Variants in MAML2 observed in about 807,000 individuals in gnomAD.
The protein encoded by MAML2 is mastermind like transcriptional coactivator 2.
MAML2 carries 22 observed loss-of-function variants against 96.1 expected under a neutral mutation model. The observed-to-expected ratio is 0.23, with a 90% CI of 0.16 to 0.33. The LOEUF (loss-of-function observed/expected upper bound fraction) is 0.33. Ranked by LOEUF, MAML2 falls within the 10% of genes least tolerant of loss-of-function variation. The probability of loss-of-function intolerance (pLI) is 1.00; values close to 1 mark genes in which losing one functional copy is unlikely to be tolerated. For synonymous variants in MAML2, 561 were observed against 521.3 expected (o/e 1.08, Z -1.04); for missense variants, 1,367 against 1,392.4 (o/e 0.98, Z 0.29).
chr11:96,097,465 G>T (rs1202503409), intron 1 of MAML2, among the ~76,000 whole-genome samples: 1 of 152,066 alleles, frequency 6.6e-6, no homozygotes, highest in African/African-American at 2.4e-5. Context: ...TATCCTGAGG[G>T]GCTGCAGGGC....
intron 1 of MAML2, among the ~76,000 whole-genome samples, chr11:96,116,434 G>A (rs977976211): frequency 6.6e-6 from 1 of 152,148 alleles, no homozygotes; most frequent in African/African-American, 2.4e-5. Context: ...TTGGCTCCCT[G>A]TATTGCAGTG....
intron 1 of MAML2, among the ~76,000 whole-genome samples, chr11:96,179,252 G>T (rs1591057704): frequency 1.3e-5 from 2 of 152,250 alleles, no homozygotes; most frequent in East Asian, 3.9e-4. Flanking sequence ...TGAAAAGAGA[G>T]AAATAGTTCA....
At chr11:96,118,451 C>G (rs955782125) in intron 1 of MAML2, among the ~76,000 whole-genome samples, 1 of 152,192 alleles carries the variant, frequency 6.6e-6, no homozygotes, top group African/African-American at 2.4e-5. Flanking sequence ...TCCATTCATG[C>G]CTTCTGCCAT....
intron 1 of MAML2, among the ~76,000 whole-genome samples, chr11:96,321,736 G>A (rs1462767248): frequency 6.6e-6 from 1 of 152,116 alleles, no homozygotes; most frequent in Non-Finnish European, 1.5e-5. Context: ...ATTCTGTTCT[G>A]GTCAATCATA....
chr11:96,070,049 A>T (rs1413395359), intron 2 of MAML2, among the ~76,000 whole-genome samples: 2 of 150,518 alleles, frequency 1.3e-5, no homozygotes, highest in Non-Finnish European at 3.0e-5. Flanking sequence ...ATAAATAAAT[A>T]AGGAGGCCAA....
At chr11:96,126,292 T>C (rs1860436021) in intron 1 of MAML2, among the ~76,000 whole-genome samples, 1 of 152,196 alleles carries the variant, frequency 6.6e-6, no homozygotes, top group Admixed American at 6.5e-5. Flanking sequence ...GTTTGGTGGC[T>C]CACTCCTGTA....
At chr11:96,214,958 G>T (rs1035259525) in intron 1 of MAML2, among the ~76,000 whole-genome samples, 1 of 152,238 alleles carries the variant, frequency 6.6e-6, no homozygotes, top group Non-Finnish European at 1.5e-5. Flanking sequence ...TTGGCCATGT[G>T]CCTCGTCTAG....
intron 2 of MAML2, among the ~76,000 whole-genome samples, chr11:96,036,583 G>T (rs191053928): frequency 1.3e-5 from 2 of 152,282 alleles, no homozygotes; most frequent in Admixed American, 1.3e-4. Flanking sequence ...GATACATTGT[G>T]ATTTGAGGGT....
At position 96,184,224 on chromosome 11, in the gene MAML2, C is replaced by T. The variant is rs181257032; in HGVS notation, c.514-90707G>A. On this transcript the variant is annotated intron_variant, in intron 1 of 4. Coordinates refer to ENST00000524717, the MANE Select transcript of MAML2 (RefSeq NM_032427.4). ...TTGGGATGCTGAGGTGGGCAGATCA[C>T]GAGGTCAGGAGTTCGAGACCAGCCT... Among the ~76,000 whole-genome samples, 681 of 152,234 alleles carry T rather than the reference C, an allele frequency of 4.5e-3. 4 individuals are homozygous for T. Among genetic ancestry groups the T allele is most frequent in the Middle Eastern group, 0.01 (3 of 294 alleles).
intron 1 of MAML2, among the ~76,000 whole-genome samples, chr11:96,260,923 T>C (rs749381450): frequency 6.6e-6 from 1 of 152,220 alleles, no homozygotes; most frequent in African/African-American, 2.4e-5. Context: ...TTGAAAAACC[T>C]GAGTGAAACT....
intron 1 of MAML2, among the ~76,000 whole-genome samples, chr11:96,153,914 TAAATAAATAAATAAATA>T (rs1249028657): frequency 5.5e-5 from 3 of 55,022 alleles, no homozygotes; most frequent in Non-Finnish European, 7.4e-5. Context: ...TCCGTCTCAA[TAAATAAATAAATAAATA>T]AATAAATAAA....
chr11:96,230,312 G>A (rs1320899094), intron 1 of MAML2, among the ~76,000 whole-genome samples: 2 of 152,032 alleles, frequency 1.3e-5, no homozygotes, highest in Non-Finnish European at 2.9e-5. Context: ...TATATGTTTT[G>A]CTCATTCAAA....
chr11:96,112,023 T>A (rs996737162), intron 1 of MAML2, among the ~76,000 whole-genome samples: 2 of 152,046 alleles, frequency 1.3e-5, no homozygotes, highest in Admixed American at 1.3e-4. Flanking sequence ...TTACAAATGC[T>A]GCTCGTTAAA....
chr11:96,156,294 C>A (rs916919284), intron 1 of MAML2, among the ~76,000 whole-genome samples: 1 of 152,238 alleles, frequency 6.6e-6, no homozygotes, highest in Non-Finnish European at 1.5e-5. Context: ...CTCCTCCGCC[C>A]CTCACACACC....
At chr11:96,163,903 C>G (rs552342018) in intron 1 of MAML2, among the ~76,000 whole-genome samples, 7 of 149,730 alleles carry the variant, frequency 4.7e-5, no homozygotes, top group Admixed American at 2.0e-4. Context: ...GCTCTTGTTG[C>G]CCATGCGGGA....
chr11:96,326,873 G>C (rs968043442), intron 1 of MAML2, among the ~76,000 whole-genome samples: 1 of 152,118 alleles, frequency 6.6e-6, no homozygotes, highest in African/African-American at 2.4e-5. Flanking sequence ...AATACAAAAT[G>C]TGCCAGGAAC....
chr11:96,238,948 G>A (rs1025400767), intron 1 of MAML2, among the ~76,000 whole-genome samples: 19 of 152,158 alleles, frequency 1.2e-4, no homozygotes, highest in Admixed American at 7.9e-4. Flanking sequence ...AAATGAAGAG[G>A]TATTCTGGCC....
At chr11:96,052,591 T>C (rs1859004717) in intron 2 of MAML2, among the ~76,000 whole-genome samples, 1 of 152,192 alleles carries the variant, frequency 6.6e-6, no homozygotes, top group Non-Finnish European at 1.5e-5. Context: ...ACCTTAATGA[T>C]AGGCTGTGGT....
chr11:96,281,700 C>T (rs896116623), intron 1 of MAML2, among the ~76,000 whole-genome samples: 5 of 151,852 alleles, frequency 3.3e-5, no homozygotes, highest in Admixed American at 3.3e-4. Flanking sequence ...CAAAATCCCA[C>T]CTCTACAAAA....
Sources: allele counts gnomAD v4.1 joint callset (sites outside exome capture counted in the v4.1 genomes callset), GRCh38; gene constraint gnomAD v4.1.1; transcripts MANE v1.5; gene names NCBI Gene and HGNC (gene_info 2026-07-23, HGNC 2026-07-21).